GPR26: variants seen among roughly 807,000 people sequenced by gnomAD.
GPR26 encodes G protein-coupled receptor 26.
In GPR26, 15 loss-of-function variants were observed where a neutral mutation model predicts 23.1. The observed-to-expected ratio is 0.65, with a 90% CI of 0.43 to 1.00. The LOEUF (loss-of-function observed/expected upper bound fraction) is 1.00. GPR26 is among the 50% of genes least tolerant of loss of function. The pLI, the probability that GPR26 is intolerant of heterozygous loss-of-function variation, is 0.00. For synonymous variants in GPR26, 228 were observed against 222.1 expected (o/e 1.03, Z -0.24); for missense variants, 359 against 470.5 (o/e 0.76, Z 2.19).
At chr10:123,686,904 T>C (rs1435020853) in intron 2 of GPR26, among the ~76,000 whole-genome samples, 2 of 152,180 alleles carry the variant, frequency 1.3e-5, no homozygotes, top group Non-Finnish European at 2.9e-5. Flanking sequence ...TGTTATATGA[T>C]CTCCAGACTC....
rs138264732 is a variant in GPR26 at position 123,695,234 on chromosome 10, A to T, written c.*7074A>T. On this transcript the variant is annotated 3_prime_UTR_variant, in exon 3 of 3. Coordinates refer to ENST00000284674, the MANE Select transcript of GPR26 (RefSeq NM_153442.4). ...CGTATACCCATATTTAAGGACTTTT[A>T]AAGTAATTTGGATTTTTAACTCAAA... Among the ~76,000 whole-genome samples, 691 of 152,314 alleles carry T rather than the reference A, an allele frequency of 4.5e-3. 5 individuals are homozygous for T. Among genetic ancestry groups the T allele is most frequent in the African/African-American group, 0.015 (636 of 41,556 alleles).
chr10:123,675,055 G>A (rs1589925292), intron 2 of GPR26, 124 bp downstream of exon 2: 1 of 625,680 alleles, frequency 1.6e-6, no homozygotes, highest in East Asian at 2.8e-5. Flanking sequence ...GGGGGCAAGA[G>A]TGAACTTGCC....
rs563404539 is a variant in GPR26, at chr10:123,695,400, A to G, written c.*7240A>G. ...GGAAGAATTGTTGCACATCTTTAAT[A>G]GAAGCCAAAGCCCATGATTTGATGG... On this transcript the variant is annotated 3_prime_UTR_variant, in exon 3 of 3. Transcript: ENST00000284674. Among the ~76,000 whole-genome samples, 2 of 152,318 alleles carry G rather than the reference A, an allele frequency of 1.3e-5. No individual in the cohort carries two copies. Among genetic ancestry groups the G allele is most frequent in the African/African-American group, 4.8e-5 (2 of 41,570 alleles).
At chr10:123,670,905 C>T (rs1346874634) in intron 1 of GPR26, among the ~76,000 whole-genome samples, 1 of 152,196 alleles carries the variant, frequency 6.6e-6, no homozygotes, top group East Asian at 1.9e-4. Context: ...TAGGTAGGCA[C>T]ATCCCCTTAG....
chr10:123,672,331 G>C (rs12266850), intron 1 of GPR26, among the ~76,000 whole-genome samples: 2,194 of 152,260 alleles, frequency 0.014, 53 homozygotes, highest in African/African-American at 0.048. Context: ...TGGCTGTGGA[G>C]TCTTTTAGCT....
rs1031831409 is a variant in GPR26, at chr10:123,690,114, T to C, written c.*1954T>C. 6 of 152,118 alleles carry C rather than the reference T, an allele frequency of 3.9e-5. No homozygotes were observed. Among genetic ancestry groups the C allele is most frequent in the Admixed American group, 6.5e-5 (1 of 15,270 alleles). 9.4% of individuals were successfully genotyped at this position (152,118 alleles called of 1,614,324 possible). ...GACTGTGTGTGTCCCTGAAACAAAA[T>C]TGCTCTGGCTCAGAGCTCCTTTGGC... On this transcript the variant is annotated 3_prime_UTR_variant, in exon 3 of 3. Coordinates refer to ENST00000284674, the MANE Select transcript of GPR26 (RefSeq NM_153442.4).
At chr10:123,670,772 C>T (rs1173584964) in intron 1 of GPR26, among the ~76,000 whole-genome samples, 1 of 152,234 alleles carries the variant, frequency 6.6e-6, no homozygotes, top group Non-Finnish European at 1.5e-5. Context: ...ACAGTCTATC[C>T]TCAGGAGGGT....
chr10:123,681,676 G>A (rs1020736893), intron 2 of GPR26, among the ~76,000 whole-genome samples: 18 of 152,182 alleles, frequency 1.2e-4, no homozygotes, highest in African/African-American at 4.1e-4. Flanking sequence ...TGGCTGGGCG[G>A]GGGATTCCCT....
At chr10:123,671,039 T>C (rs1370588138) in intron 1 of GPR26, among the ~76,000 whole-genome samples, 1 of 152,196 alleles carries the variant, frequency 6.6e-6, no homozygotes, top group East Asian at 1.9e-4. Context: ...GACCCCAAAC[T>C]CAGGGCTGTT....
At chr10:123,681,508 C>T (rs1399484219) in intron 2 of GPR26, among the ~76,000 whole-genome samples, 1 of 152,206 alleles carries the variant, frequency 6.6e-6, no homozygotes, top group African/African-American at 2.4e-5. Flanking sequence ...CCGCTTCCAC[C>T]CGCCTTGTAC....
intron 2 of GPR26, among the ~76,000 whole-genome samples, chr10:123,684,725 T>G (rs1845413145): frequency 6.6e-6 from 1 of 152,238 alleles, no homozygotes; most frequent in Admixed American, 6.5e-5. Flanking sequence ...TCTGCCTTTA[T>G]GAGAACACCA....
In GPR26 at chr10:123,696,251, G is replaced by A. The variant is rs951852969; in HGVS notation, c.*8091G>A. On this transcript the variant is annotated 3_prime_UTR_variant, in exon 3 of 3. Transcript: ENST00000284674. ...TTTCGCCACACGGAGGCTTTACTCT[G>A]CCCAGTGTCCAATGGGAGAACCATC... is the stretch of plus-strand genomic sequence containing the variant. Among the ~76,000 whole-genome samples, 28 of 152,184 alleles carry A rather than the reference G, an allele frequency of 1.8e-4. No individual in the cohort carries two copies. Among genetic ancestry groups the A allele is most frequent in the Non-Finnish European group, 3.4e-4 (23 of 68,034 alleles).
In GPR26 at chr10:123,695,309, G is replaced by A. The variant is rs1009659480; in HGVS notation, c.*7149G>A. 5.9e-5 allele frequency among the ~76,000 whole-genome samples: 9 copies of A among 152,190 alleles called. No homozygotes were observed. Among genetic ancestry groups the A allele is most frequent in the African/African-American group, 1.2e-4 (5 of 41,448 alleles). ...TGCGTGTGTTCTTAGGAACACCAGC[G>A]TGTGGTATTTCCTGTGTCCTCTCAT... On this transcript the variant is annotated 3_prime_UTR_variant, in exon 3 of 3. Coordinates refer to ENST00000284674, the MANE Select transcript of GPR26 (RefSeq NM_153442.4).
intron 2 of GPR26, among the ~76,000 whole-genome samples, chr10:123,678,684 C>G (rs955794777): frequency 1.4e-4 from 21 of 152,202 alleles, no homozygotes; most frequent in Non-Finnish European, 2.6e-4. Flanking sequence ...GGCTGGGCGC[C>G]CCCCTCCAGG....
rs1845470256 is a variant in GPR26 at position 123,689,596 on chromosome 10, T to G, written c.*1436T>G. On this transcript the variant is annotated 3_prime_UTR_variant, in exon 3 of 3. Coordinates refer to ENST00000284674, the MANE Select transcript of GPR26 (RefSeq NM_153442.4). ...GGGAGCAATGGAATCAGATGGCTCA[T>G]TCTCTCCTTCCAGCTCTTTACATCC... 6.6e-6 allele frequency: 1 copy of G among 152,022 alleles called. No individual in the cohort carries two copies. The highest frequency in any genetic ancestry group is 1.5e-5 in the Non-Finnish European group (1 of 68,044). The allele number at this position is 152,022 out of a possible 1,614,324, so 9.4% of individuals were successfully genotyped here. A position where few individuals can be genotyped will look rare whatever the true frequency, so the allele number is the denominator to read the frequency against.
chr10:123,667,661 G>A, intron 1 of GPR26, among the ~76,000 whole-genome samples: 1 of 151,594 alleles, frequency 6.6e-6, no homozygotes, highest in Non-Finnish European at 1.5e-5. Context: ...GTGGGGTGGG[G>A]GGCTCTTCCT....
Position 123,688,050 on chromosome 10 carries a change from C to T in GPR26, c.904C>T (p.Arg302Cys), listed in dbSNP as rs369185135. The change falls in exon 3 of 3, where the codon CGC becomes TGC. Residue 302 changes from arginine to cysteine, a missense_variant. By Grantham distance (180) the Arg-to-Cys change is radical. Transcript: ENST00000284674. ...FVYSLLRHQYRKSCKEILNRL... is the reference protein window; with the variant it reads ...FVYSLLRHQYCKSCKEILNRL... ...GTACTCCTTACTGCGACACCAGTAC[C>T]GCAAAAGCTGCAAGGAGATTCTGAA... 3.7e-6 allele frequency: 6 copies of T among 1,613,962 alleles called. No individual in the cohort carries two copies. The highest frequency in any genetic ancestry group is 1.7e-5 in the Admixed American group (1 of 60,024).
At chr10:123,669,039 A>G (rs1250838697) in intron 1 of GPR26, among the ~76,000 whole-genome samples, 1 of 151,926 alleles carries the variant, frequency 6.6e-6, no homozygotes, top group Non-Finnish European at 1.5e-5. Context: ...CTTGCCTTCG[A>G]TTTCCCCTCC....
Position 123,688,067 on chromosome 10 carries a change from G to A in GPR26, c.921G>A (p.Glu307=), listed in dbSNP as rs1482159603. The A allele has an allele frequency of 3.1e-6, 5 of 1,614,002 alleles. No homozygotes were observed. The highest frequency in any genetic ancestry group is 4.2e-6 in the Non-Finnish European group (5 of 1,180,028). ...LRHQYRKSCK[E]ILNRLLHRRS... ...ACCAGTACCGCAAAAGCTGCAAGGA[G>A]ATTCTGAACAGGCTCCTGCACAGAC... The change falls in exon 3 of 3, where the codon GAG becomes GAA. Residue 307 remains glutamate, a synonymous_variant. Transcript: ENST00000284674.
Sources: gnomAD v4.1 joint callset for allele counts (sites outside exome capture counted in the v4.1 genomes callset) on GRCh38, gnomAD v4.1.1 for gene constraint, MANE v1.5 for transcripts, NCBI Gene and HGNC (gene_info 2026-07-23, HGNC 2026-07-21) for gene names.